POLR2B: variants seen among roughly 807,000 people sequenced by gnomAD.
POLR2B encodes RNA polymerase II subunit B.
In POLR2B, 57 loss-of-function variants were observed where a neutral mutation model predicts 144.6. The ratio of observed to expected loss-of-function variants is 0.39; its 90% CI spans 0.32 to 0.49. The LOEUF is 0.49. POLR2B is among the 20% of genes least tolerant of loss of function. POLR2B has a pLI of 0.83. For missense variants in POLR2B, 595 were observed against 1,467.4 expected (o/e 0.41, Z 9.71); for synonymous variants, 442 against 469.8 (o/e 0.94, Z 0.77).
In POLR2B at chr4:56,978,900, C is replaced by T. The variant is rs1474127852; in HGVS notation, c.-86C>T. The stretch of plus-strand genomic sequence containing the variant: ...GGAACGTCGGAGACGGAAGTTACTT[C>T]GTCTTTAGCTCCTGGCGCTGCTGGC... On this transcript the variant is annotated 5_prime_UTR_variant, in exon 1 of 25. Transcript: ENST00000314595. 1 of 1,296,124 alleles carries T rather than the reference C, an allele frequency of 7.7e-7. No homozygotes were observed. The highest frequency in any genetic ancestry group is 1.1e-6 in the Non-Finnish European group (1 of 890,144). The allele number at this position is 1,296,124 out of a possible 1,614,324, so 80.3% of individuals were successfully genotyped here. A position where few individuals can be genotyped will look rare whatever the true frequency, so the allele number is the denominator to read the frequency against.
Position 57,025,491 on chromosome 4 carries a change from G to T in POLR2B, c.3193G>T (p.Gly1065Ter). The change falls in exon 23 of 25, where the codon GGA becomes TGA. Residue 1065 changes from glycine to a stop codon, truncating the protein, a stop_gained. Transcript: ENST00000314595. LOFTEE classifies it high-confidence loss of function. ...VDDKIHSRARGPIQILNRQPM... is the reference protein window; with the variant it reads ...VDDKIHSRAR Reference sequence around the variant, plus strand: ...TGATAAGATTCACTCTCGTGCTAGGGGACCTATTCAGATCCTCAATAGACA... The same window carrying T: ...TGATAAGATTCACTCTCGTGCTAGGTGACCTATTCAGATCCTCAATAGACA... The T allele has an allele frequency of 6.2e-7, 1 of 1,610,442 alleles. No homozygotes were observed.
intron 18 of POLR2B, 98 bp downstream of exon 18, chr4:57,022,344 T>C (rs1718830): frequency 0.36 from 243,034 of 683,944 alleles, 44,253 homozygotes; most frequent in South Asian, 0.45. Flanking sequence ...TGCCTGCCCC[T>C]GTCCTCCTCT....
intron 9 of POLR2B, among the ~76,000 whole-genome samples, chr4:57,006,007 T>G (rs752749055): frequency 7.9e-5 from 12 of 152,218 alleles, no homozygotes; most frequent in Non-Finnish European, 1.0e-4. Context: ...AGGGCTAATA[T>G]TGGATTTTGT....
At chr4:57,026,709 C>G (rs745919319) in intron 23 of POLR2B, among the ~76,000 whole-genome samples, 19 of 151,864 alleles carry the variant, frequency 1.3e-4, no homozygotes, top group Non-Finnish European at 2.5e-4. Context: ...TGCAGTGAGC[C>G]AAGATCGTGC....
chr4:57,008,871 A>ATG (rs1311985962), intron 10 of POLR2B, among the ~76,000 whole-genome samples: 1 of 152,200 alleles, frequency 6.6e-6, no homozygotes, highest in African/African-American at 2.4e-5. Flanking sequence ...GCAGGAAGGA[A>ATG]TGTGTGTCTG....
At chr4:57,011,180 T>A in intron 13 of POLR2B, 80 bp downstream of exon 13, 1 of 865,706 alleles carries the variant, frequency 1.2e-6, no homozygotes, top group Non-Finnish European at 1.9e-6. Context: ...ATCTTTGCAT[T>A]GGCATCTTTT....
chr4:57,014,060 T>C (rs537098395), intron 13 of POLR2B, among the ~76,000 whole-genome samples: 6 of 152,360 alleles, frequency 3.9e-5, no homozygotes, highest in East Asian at 3.8e-4. Context: ...TCTTGGACTT[T>C]AGAATACTAC....
At chr4:56,999,173 T>C (rs151043877) in intron 6 of POLR2B, among the ~76,000 whole-genome samples, 1 of 151,704 alleles carries the variant, frequency 6.6e-6, no homozygotes, top group Admixed American at 6.6e-5. Context: ...TTTTATTGTG[T>C]GCTTAGCTTT....
intron 16 of POLR2B, among the ~76,000 whole-genome samples, chr4:57,019,616 C>T (rs1719198994): frequency 6.6e-6 from 1 of 152,182 alleles, no homozygotes; most frequent in African/African-American, 2.4e-5. Context: ...AGGCATGAAG[C>T]CATATCATTC....
intron 14 of POLR2B, among the ~76,000 whole-genome samples, chr4:57,016,114 T>A (rs544221295): frequency 2.0e-5 from 3 of 152,368 alleles, no homozygotes; most frequent in African/African-American, 7.2e-5. Flanking sequence ...TTTGCAATGT[T>A]GTGCAACCAT....
intron 7 of POLR2B, among the ~76,000 whole-genome samples, chr4:57,000,943 A>G (rs944042596): frequency 1.3e-5 from 2 of 151,918 alleles, no homozygotes; most frequent in African/African-American, 2.4e-5. Flanking sequence ...TGATCTGCCC[A>G]CCTCGGCCTC....
chr4:57,013,165 G>T (rs1723247813), intron 13 of POLR2B, among the ~76,000 whole-genome samples: 1 of 151,986 alleles, frequency 6.6e-6, no homozygotes, highest in African/African-American at 2.4e-5. Flanking sequence ...TGGTAGAGAT[G>T]GGGTTTTGCC....
At chr4:57,012,592 A>G (rs1471844563) in intron 13 of POLR2B, among the ~76,000 whole-genome samples, 2 of 152,138 alleles carry the variant, frequency 1.3e-5, no homozygotes, top group African/African-American at 2.4e-5. Context: ...TGGTCTTTGT[A>G]CCTAAAACAG....
rs530731793 is a variant in POLR2B, at chr4:57,029,760, C to G, written c.3240-444C>G. 3.9e-5 allele frequency among the ~76,000 whole-genome samples: 6 copies of G among 152,168 alleles called. No homozygotes were observed. The East Asian group carries it at 9.6e-4, about 24-fold the overall frequency. ...CATTTTTTTAGTATAGAGTTGAATT[C>G]TAGAAAGTTAAATGATAGCATGATG... On this transcript the variant is annotated intron_variant, in intron 23 of 24. Coordinates refer to ENST00000314595, the MANE Select transcript of POLR2B (RefSeq NM_000938.3).
Position 57,006,918 on chromosome 4 carries a change from A to G in POLR2B, c.1320A>G (p.Ile440Met). 6.2e-7 allele frequency: 1 copy of G among 1,613,472 alleles called. No homozygotes were observed. Among genetic ancestry groups the G allele is most frequent in the Non-Finnish European group, 8.5e-7 (1 of 1,179,384 alleles). The change falls in exon 10 of 25, where the codon ATA (isoleucine) becomes ATG (methionine). Residue 440 changes from isoleucine (I) to methionine (M), a missense_variant. Transcript: ENST00000314595. ...NLELAIKTRI[I>M]SDGLKYSLAT... is the part of the protein sequence containing the mutation. Reference sequence around the variant, plus strand: ...AGTTGGCAATTAAAACACGGATCATATCTGATGGCCTAAAATACTCTTTAG... The same window carrying G: ...AGTTGGCAATTAAAACACGGATCATGTCTGATGGCCTAAAATACTCTTTAG...
In POLR2B at chr4:57,017,498, A is replaced by G; in HGVS notation, c.2155-62A>G. On this transcript the variant is annotated intron_variant, in intron 15 of 24. Transcript: ENST00000314595. The surrounding 1 kb of genome is among the most constrained non-coding windows in gnomAD (Gnocchi z 4.8). ...ATCATATTTCTTTTGATTTATTGTC[A>G]GAGTCTTTTCCATTAGTGATAGTAA... 2 of 1,314,558 alleles carry G rather than the reference A, an allele frequency of 1.5e-6. No homozygotes were observed. Among genetic ancestry groups the G allele is most frequent in the Non-Finnish European group, 2.1e-6 (2 of 952,778 alleles). 81.4% of individuals were successfully genotyped at this position (1,314,558 alleles called of 1,614,324 possible). A position where few individuals can be genotyped will look rare whatever the true frequency, so the allele number is the denominator to read the frequency against.
chr4:57,003,896 G>A (rs1722928585), intron 7 of POLR2B, among the ~76,000 whole-genome samples: 2 of 151,822 alleles, frequency 1.3e-5, no homozygotes, highest in South Asian at 2.1e-4. Context: ...GTGTGGTGGT[G>A]TTGTCTGTAC....
In POLR2B at chr4:57,025,446, C is replaced by T; in HGVS notation, c.3148C>T (p.Arg1050Cys). 1.2e-6 allele frequency: 2 copies of T among 1,611,194 alleles called. No individual in the cohort carries two copies. The highest frequency in any genetic ancestry group is 1.7e-6 in the Non-Finnish European group (2 of 1,177,342). The stretch of plus-strand genomic sequence containing the variant: ...ATTTATTGGCCCCACTTATTACCAG[C>T]GTTTGAAGCATATGGTGGATGATAA... ...QIFIGPTYYQ[R>C]LKHMVDDKIH... The change falls in exon 23 of 25, where the codon CGT (arginine) becomes TGT (cysteine). Residue 1050 changes from arginine (R) to cysteine (C), a missense_variant. This residue lies in a region of POLR2B where 65 missense variants were observed against 282.8 expected (regional missense o/e 0.23). Coordinates refer to ENST00000314595, the MANE Select transcript of POLR2B (RefSeq NM_000938.3).
chr4:57,016,633 A>T (rs1723376167), intron 14 of POLR2B, among the ~76,000 whole-genome samples: 1 of 111,112 alleles, frequency 9.0e-6, no homozygotes, highest in Non-Finnish European at 2.0e-5. Context: ...ATAATATAAT[A>T]AGAAATTTAG....
Sources: gnomAD v4.1 joint callset for allele counts (sites outside exome capture counted in the v4.1 genomes callset) on GRCh38, gnomAD v4.1.1 for gene constraint, gnomAD v4.1.1 regional missense constraint, Gnocchi (gnomAD v3.1) non-coding constraint, MANE v1.5 for transcripts, NCBI Gene and HGNC (gene_info 2026-07-23, HGNC 2026-07-21) for gene names.